SNCAIP: variants seen among roughly 807,000 people sequenced by gnomAD.
SNCAIP encodes the protein synphilin-1.
In SNCAIP, 43 loss-of-function variants were observed where a neutral mutation model predicts 86.7. The ratio of observed to expected loss-of-function variants is 0.50; its 90% CI spans 0.39 to 0.64. The LOEUF is 0.64. SNCAIP is among the 30% of genes least tolerant of loss of function. The pLI, the probability that SNCAIP is intolerant of heterozygous loss-of-function variation, is 0.00. For missense variants in SNCAIP, 981 were observed against 1,103.1 expected (o/e 0.89, Z 1.57); for synonymous variants, 417 against 427.2 (o/e 0.98, Z 0.29).
chr5:122,388,353 G>A (rs1458868030), intron 1 of SNCAIP, among the ~76,000 whole-genome samples: 1 of 151,948 alleles, frequency 6.6e-6, no homozygotes, highest in African/African-American at 2.4e-5. Flanking sequence ...CATGCCCTCT[G>A]TAGCTGTGCT....
intron 1 of SNCAIP, among the ~76,000 whole-genome samples, chr5:122,327,589 T>C (rs1217685080): frequency 6.6e-6 from 1 of 152,120 alleles, no homozygotes; most frequent in Non-Finnish European, 1.5e-5. Flanking sequence ...CTGAGCTCTT[T>C]CTCTCTCCTG....
At chr5:122,335,093 T>C (rs1051246304) in intron 1 of SNCAIP, among the ~76,000 whole-genome samples, 10 of 152,226 alleles carry the variant, frequency 6.6e-5, no homozygotes, top group African/African-American at 2.2e-4. Flanking sequence ...TACACATTTT[T>C]AAGGATTTTT....
chr5:122,422,971 G>T lies in SNCAIP; in HGVS notation c.234G>T (p.Arg78=). The change falls in exon 4 of 11, where the codon CGG becomes CGT. Residue 78 remains arginine, a synonymous_variant. Coordinates refer to ENST00000261368, the MANE Select transcript of SNCAIP (RefSeq NM_005460.4). ...ACAGTAAGTTCCGCCCAGTGAAGCGGGTTTCGCCACTGAAACATCAGCCAG... is the reference window on the plus strand; with the variant it reads ...ACAGTAAGTTCCGCCCAGTGAAGCGTGTTTCGCCACTGAAACATCAGCCAG... ...DVYSKFRPVK[R]VSPLKHQPET... 1 of 1,614,150 alleles carries T rather than the reference G, an allele frequency of 6.2e-7. No individual in the cohort carries two copies. The highest frequency in any genetic ancestry group is 2.2e-5 in the East Asian group (1 of 44,876).
chr5:122,405,434 A>G (rs761649801), intron 3 of SNCAIP, among the ~76,000 whole-genome samples: 1 of 152,212 alleles, frequency 6.6e-6, no homozygotes, highest in Non-Finnish European at 1.5e-5. Flanking sequence ...TAAGCACTCT[A>G]CTTACATTAA....
chr5:122,370,922 A>G (rs904561231), intron 1 of SNCAIP, among the ~76,000 whole-genome samples: 2 of 152,192 alleles, frequency 1.3e-5, no homozygotes, highest in African/African-American at 4.8e-5. Context: ...TCACTTAGAC[A>G]ATTTCTCAAT....
intron 1 of SNCAIP, among the ~76,000 whole-genome samples, chr5:122,386,306 A>T (rs1161699310): frequency 1.3e-5 from 2 of 152,102 alleles, no homozygotes; most frequent in African/African-American, 4.8e-5. Flanking sequence ...TTATTATGCA[A>T]TGTGGTTCTC....
intron 1 of SNCAIP, among the ~76,000 whole-genome samples, chr5:122,341,130 A>C (rs1201400201): frequency 3.9e-5 from 6 of 152,212 alleles, no homozygotes; most frequent in African/African-American, 1.4e-4. Flanking sequence ...AGAAATTTCT[A>C]CTTTATGTCT....
chr5:122,459,471 T>A (rs997754140), intron 10 of SNCAIP, among the ~76,000 whole-genome samples: 2 of 152,218 alleles, frequency 1.3e-5, no homozygotes, highest in Non-Finnish European at 2.9e-5. Context: ...ATCTGAATAA[T>A]TCATGCCAGA....
At chr5:122,397,827 A>G (rs2152857308) in intron 2 of SNCAIP, among the ~76,000 whole-genome samples, 1 of 152,302 alleles carries the variant, frequency 6.6e-6, no homozygotes, top group African/African-American at 2.4e-5. Context: ...GGACAAAGGC[A>G]TTTCTACAAA....
intron 10 of SNCAIP, among the ~76,000 whole-genome samples, chr5:122,457,532 C>G (rs1386302970): frequency 1.3e-5 from 2 of 152,078 alleles, no homozygotes; most frequent in East Asian, 3.9e-4. Context: ...CCCAGGTGCT[C>G]CGTGGTTCCT....
At chr5:122,455,112 TCTC>T (rs983876280) in intron 10 of SNCAIP, among the ~76,000 whole-genome samples, 3 of 152,212 alleles carry the variant, frequency 2.0e-5, no homozygotes, top group African/African-American at 7.2e-5. Flanking sequence ...CTTGACCCCT[TCTC>T]CTCATTACCC....
At chr5:122,358,201 G>GTATATA (rs1279979410) in intron 1 of SNCAIP, among the ~76,000 whole-genome samples, 2 of 128,662 alleles carry the variant, frequency 1.6e-5, no homozygotes, top group East Asian at 2.5e-4. Context: ...GTGTGTGTGT[G>GTATATA]TGTATATATA....
chr5:122,419,137 A>G (rs778421429), intron 3 of SNCAIP, among the ~76,000 whole-genome samples: 84 of 152,170 alleles, frequency 5.5e-4, no homozygotes, highest in Non-Finnish European at 1.0e-3. Context: ...TCATGTCACC[A>G]TGTAGGCCAC....
At chr5:122,457,196 T>G (rs1784965994) in intron 10 of SNCAIP, among the ~76,000 whole-genome samples, 1 of 151,974 alleles carries the variant, frequency 6.6e-6, no homozygotes, top group Non-Finnish European at 1.5e-5. Flanking sequence ...AGAGACGAGG[T>G]TTCACCCTGT....
At chr5:122,423,777 T>C (rs745692090) in intron 4 of SNCAIP, 38 bp downstream of exon 4, 4 of 1,549,342 alleles carry the variant, frequency 2.6e-6, no homozygotes, top group Admixed American at 3.5e-5. Flanking sequence ...GTCAATAGAC[T>C]GGAGACTCCT....
intron 1 of SNCAIP, among the ~76,000 whole-genome samples, chr5:122,360,761 A>G (rs567095777): frequency 1.3e-5 from 2 of 152,082 alleles, no homozygotes; most frequent in East Asian, 3.9e-4. Flanking sequence ...GAAGAGGAGA[A>G]CTCTGGGTTT....
At chr5:122,360,521 A>G (rs1461444669) in intron 1 of SNCAIP, among the ~76,000 whole-genome samples, 1 of 152,218 alleles carries the variant, frequency 6.6e-6, no homozygotes, top group East Asian at 1.9e-4. Flanking sequence ...TTAGAGTTCA[A>G]TGTGAATCAT....
intron 1 of SNCAIP, among the ~76,000 whole-genome samples, chr5:122,347,913 G>A (rs1348665897): frequency 1.3e-5 from 2 of 152,018 alleles, no homozygotes; most frequent in African/African-American, 4.8e-5. Context: ...TAAGCTAAAA[G>A]TGTTTCCCTT....
At chr5:122,351,632 T>C (rs181207664) in intron 1 of SNCAIP, among the ~76,000 whole-genome samples, 7 of 151,344 alleles carry the variant, frequency 4.6e-5, no homozygotes, top group African/African-American at 7.3e-5. Context: ...ACTGAGCAGC[T>C]TTTTTTGTTT....
Sources: gnomAD v4.1 joint callset for allele counts (sites outside exome capture counted in the v4.1 genomes callset) on GRCh38, gnomAD v4.1.1 for gene constraint, MANE v1.5 for transcripts, NCBI Gene and HGNC (gene_info 2026-07-23, HGNC 2026-07-21) for gene names.